Variants in POLR3B observed in about 807,000 individuals in gnomAD.
The protein encoded by POLR3B is RNA polymerase III subunit B, also known as DNA-directed RNA polymerase III subunit RPC2.
A neutral mutation model predicts 147.4 loss-of-function variants in POLR3B; 96 were observed. That is an observed-to-expected ratio of 0.65 (90% CI 0.55 to 0.77). The LOEUF (loss-of-function observed/expected upper bound fraction) is 0.77, where lower values mean the gene tolerates loss of function less well. POLR3B is among the 30% of genes least tolerant of loss of function. The pLI, the probability that POLR3B is intolerant of heterozygous loss-of-function variation, is 0.00. For missense variants in POLR3B, 1,036 were observed against 1,413.5 expected, an observed-to-expected ratio of 0.73 and a Z score of 4.28; for synonymous variants, 461 against 485.9, an observed-to-expected ratio of 0.95 and a Z score of 0.67.
In POLR3B at chr12:106,504,321, C is replaced by A; in HGVS notation, c.3272+67C>A. ...TCTTAAATCACAGCTCAAGAATTGA[C>A]CCTGGATCCTATCCGCATATTCTCC... On this transcript the variant is annotated intron_variant, in intron 27 of 27. Coordinates refer to ENST00000228347, the MANE Select transcript of POLR3B (RefSeq NM_018082.6). The surrounding 1 kb of genome is among the most constrained non-coding windows in gnomAD (Gnocchi z 4.6). The A allele has an allele frequency of 7.7e-7, 1 of 1,292,770 alleles. No homozygotes were observed. The highest frequency in any genetic ancestry group is 2.3e-5 in the East Asian group (1 of 43,416). The allele number at this position is 1,292,770 out of a possible 1,614,324, so 80.1% of individuals were successfully genotyped here. A position where few individuals can be genotyped will look rare whatever the true frequency, so the allele number is the denominator to read the frequency against.
rs2038598265 is a variant in POLR3B, at chr12:106,501,355, C to T, written c.3017C>T (p.Pro1006Leu). The T allele has an allele frequency of 1.9e-6, 3 of 1,613,312 alleles. No individual in the cohort carries two copies. Among genetic ancestry groups the T allele is most frequent in the African/African-American group, 1.3e-5 (1 of 74,900 alleles). ...TTAGAAGCATACATCTATTTTGGCC[C>T]CGTGTACTATCAGAAGCTGAAACAC... ...EPLEAYIYFG[P>L]VYYQKLKHMV... Residue 1006 changes from proline (P) to leucine (L), a missense_variant, in exon 26 of 28, where the codon CCC (proline) becomes CTC (leucine). Pro to Leu is a moderately conservative substitution (Grantham distance 98, BLOSUM62 -3). This residue lies in a region of POLR3B where 88 missense variants were observed against 87.5 expected (regional missense o/e 1.01). Transcript: ENST00000228347.
chr12:106,421,544 T>C (rs959429234), intron 12 of POLR3B, among the ~76,000 whole-genome samples: 3 of 152,168 alleles, frequency 2.0e-5, no homozygotes, highest in Admixed American at 1.3e-4. Flanking sequence ...CATGTACTTA[T>C]TGACTATTCC....
intron 22 of POLR3B, 84 bp downstream of exon 22, chr12:106,459,452 G>C: frequency 1.2e-6 from 1 of 806,190 alleles, no homozygotes; most frequent in African/African-American, 1.7e-5. Flanking sequence ...AGGTCTTGGC[G>C]TGTTGGAGAA....
intron 23 of POLR3B, among the ~76,000 whole-genome samples, chr12:106,468,574 G>A (rs1016082393): frequency 6.6e-6 from 1 of 152,080 alleles, no homozygotes; most frequent in Admixed American, 6.5e-5. Flanking sequence ...TCTCTTGTGG[G>A]CATTTAGTGC....
intron 4 of POLR3B, among the ~76,000 whole-genome samples, chr12:106,367,372 A>G (rs534271415): frequency 2.6e-5 from 4 of 152,242 alleles, no homozygotes; most frequent in Non-Finnish European, 5.9e-5. Flanking sequence ...AAAACCAGGA[A>G]GTTAGCACAG....
At chr12:106,423,191 C>T (rs1290591248) in intron 12 of POLR3B, among the ~76,000 whole-genome samples, 2 of 152,138 alleles carry the variant, frequency 1.3e-5, no homozygotes, top group African/African-American at 4.8e-5. Context: ...CTGTACCCTT[C>T]TCAACTCTTT....
In POLR3B at chr12:106,393,014, T is replaced by G; in HGVS notation, c.724-17T>G. ...ACACAAAGCCAACACTCTTTCTATC[T>G]TTTCTTTCCTTCCTAGGCCATGGGT... On this transcript the variant is annotated splice_polypyrimidine_tract_variant and intron_variant, in intron 9 of 27. Transcript: ENST00000228347. 1 of 1,614,004 alleles carries G rather than the reference T, an allele frequency of 6.2e-7. No homozygotes were observed. The highest frequency in any genetic ancestry group is 1.7e-5 in the Admixed American group (1 of 60,016).
At chr12:106,420,551 C>G (rs187712182) in intron 12 of POLR3B, among the ~76,000 whole-genome samples, 106 of 152,202 alleles carry the variant, frequency 7.0e-4, no homozygotes, top group African/African-American at 2.5e-3. Flanking sequence ...TTGGACACTC[C>G]CTAGTGCCTT....
intron 23 of POLR3B, among the ~76,000 whole-genome samples, chr12:106,480,735 G>A (rs1004294577): frequency 7.9e-5 from 12 of 152,274 alleles, no homozygotes; most frequent in Admixed American, 2.6e-4. Flanking sequence ...TATCTTCTGC[G>A]TGTCTGGTAC....
At chr12:106,472,356 A>G (rs1296337159) in intron 23 of POLR3B, among the ~76,000 whole-genome samples, 1 of 151,822 alleles carries the variant, frequency 6.6e-6, no homozygotes, top group African/African-American at 2.4e-5. Context: ...AGCATGATTT[A>G]TAGTCATTTG....
At chr12:106,463,684 A>T in intron 23 of POLR3B, 64 bp downstream of exon 23, 1 of 1,355,558 alleles carries the variant, frequency 7.4e-7, no homozygotes, top group South Asian at 1.2e-5. Flanking sequence ...TTAACCACTT[A>T]AATAAAATTC....
At chr12:106,393,861 A>G (rs2036948431) in intron 10 of POLR3B, among the ~76,000 whole-genome samples, 1 of 152,078 alleles carries the variant, frequency 6.6e-6, no homozygotes, top group Non-Finnish European at 1.5e-5. Context: ...CCCAGCAGCC[A>G]TACTTAGGAT....
chr12:106,381,556 C>A (rs1354528560), intron 9 of POLR3B, among the ~76,000 whole-genome samples: 1 of 152,212 alleles, frequency 6.6e-6, no homozygotes, highest in East Asian at 1.9e-4. Flanking sequence ...CCAATTCAGT[C>A]ACATCTTCAG....
chr12:106,509,705 C>A lies in POLR3B; in HGVS notation c.*156C>A. ...AAAATGGAGAGGCTTTTTATATACT[C>A]TAAGACTGGCTAAACAACCTTGATC... is the stretch of plus-strand genomic sequence containing the variant. On this transcript the variant is annotated 3_prime_UTR_variant, in exon 28 of 28. Transcript: ENST00000228347. 1.6e-6 allele frequency: 1 copy of A among 636,108 alleles called. No individual in the cohort carries two copies. Among genetic ancestry groups the A allele is most frequent in the South Asian group, 1.8e-5 (1 of 56,820 alleles). The allele number at this position is 636,108 out of a possible 1,614,324, so 39.4% of individuals were successfully genotyped here.
intron 10 of POLR3B, among the ~76,000 whole-genome samples, chr12:106,401,733 G>C (rs2136926645): frequency 6.6e-6 from 1 of 152,306 alleles, no homozygotes; most frequent in African/African-American, 2.4e-5. Flanking sequence ...CTCAATAGAT[G>C]CGGAAAAGGC....
At chr12:106,396,041 A>G (rs1234462747) in intron 10 of POLR3B, among the ~76,000 whole-genome samples, 1 of 152,060 alleles carries the variant, frequency 6.6e-6, no homozygotes, top group Non-Finnish European at 1.5e-5. Flanking sequence ...TTGGTCATGT[A>G]TGTTTTACAC....
chr12:106,497,047 G>A (rs1159158287), intron 25 of POLR3B, 129 bp downstream of exon 25: 2 of 856,314 alleles, frequency 2.3e-6, no homozygotes, highest in African/African-American at 1.7e-5. Flanking sequence ...GCGGCATGTG[G>A]CCCAGGACGG....
chr12:106,441,799 G>C (rs111905411), intron 18 of POLR3B, among the ~76,000 whole-genome samples: 1 of 152,080 alleles, frequency 6.6e-6, no homozygotes, highest in African/African-American at 2.4e-5. Flanking sequence ...AAGAAATCTC[G>C]GCTGAGTGCA....
intron 6 of POLR3B, among the ~76,000 whole-genome samples, chr12:106,373,394 A>G (rs925614014): frequency 2.6e-5 from 4 of 152,168 alleles, no homozygotes; most frequent in African/African-American, 9.7e-5. Flanking sequence ...TGCTCTTAGC[A>G]TAGCTACATT....
Sources: gnomAD v4.1 joint callset for allele counts (sites outside exome capture counted in the v4.1 genomes callset) on GRCh38, gnomAD v4.1.1 for gene constraint, gnomAD v4.1.1 regional missense constraint, Gnocchi (gnomAD v3.1) non-coding constraint, MANE v1.5 for transcripts, NCBI Gene and HGNC (gene_info 2026-07-23, HGNC 2026-07-21) for gene names.